Variants in NPAS3 observed in about 807,000 individuals in gnomAD.
The protein encoded by NPAS3 is neuronal PAS domain protein 3, also known as neuronal PAS domain-containing protein 3.
A neutral mutation model predicts 73.1 loss-of-function variants in NPAS3; 14 were observed. The observed-to-expected ratio is 0.19, with a 90% CI of 0.13 to 0.30. The LOEUF is 0.30. NPAS3 is among the 10% of genes least tolerant of loss of function. The probability of loss-of-function intolerance (pLI) is 1.00; values close to 1 mark genes in which losing one functional copy is unlikely to be tolerated. For missense variants in NPAS3, 1,096 were observed against 1,250.0 expected, an observed-to-expected ratio of 0.88 and a Z score of 1.86; for synonymous variants, 620 against 541.5, an observed-to-expected ratio of 1.14 and a Z score of -2.01.
At chr14:33,793,718 A>C (rs1595627457) in intron 9 of NPAS3, among the ~76,000 whole-genome samples, 179 bp from the exon 10 acceptor site, 1 of 152,232 alleles carries the variant, frequency 6.6e-6, no homozygotes. Context: ...CTGCCGCTCC[A>C]CTGAATTGAT....
chr14:33,284,764 ATATCTATC>A (rs71118536), intron 3 of NPAS3, among the ~76,000 whole-genome samples: 66,309 of 148,454 alleles, frequency 0.45, 15,310 homozygotes, highest in Non-Finnish European at 0.49. Context: ...ATCTATATCT[ATATCTATC>A]TATCTATCTA....
chr14:33,332,525 C>G (rs1037509505), intron 3 of NPAS3, among the ~76,000 whole-genome samples: 1 of 152,124 alleles, frequency 6.6e-6, no homozygotes, highest in African/African-American at 2.4e-5. Flanking sequence ...CACAACTGAT[C>G]ATTTGGGGCC....
intron 2 of NPAS3, among the ~76,000 whole-genome samples, chr14:33,177,584 T>A (rs1252739598): frequency 1.3e-5 from 2 of 152,230 alleles, no homozygotes; most frequent in Non-Finnish European, 2.9e-5. Context: ...TATCCAAGAA[T>A]CCACTGCCAA....
chr14:33,268,600 C>G (rs141140943), intron 3 of NPAS3, among the ~76,000 whole-genome samples: 18 of 152,264 alleles, frequency 1.2e-4, no homozygotes, highest in Admixed American at 3.3e-4. Flanking sequence ...CTTCATGTCA[C>G]TCCATGAGGA....
intron 2 of NPAS3, among the ~76,000 whole-genome samples, chr14:33,207,395 T>A (rs2046870724): frequency 6.6e-6 from 1 of 152,130 alleles, no homozygotes; most frequent in Admixed American, 6.6e-5. Context: ...AGTGAAGTGT[T>A]CACCCATCTC....
Position 33,080,357 on chromosome 14 carries a change from C to T in NPAS3, c.140+24363C>T, listed in dbSNP as rs187421454. On this transcript the variant is annotated intron_variant, in intron 2 of 11. Coordinates refer to ENST00000356141, the Ensembl canonical transcript of NPAS3. The stretch of plus-strand genomic sequence containing the variant: ...TCCTGACCTCGTGATCCGCCTACCT[C>T]GGCCTCCCAAAGTGCTGGGATTACA... Among the ~76,000 whole-genome samples, 410 of 152,158 alleles carry T rather than the reference C, an allele frequency of 2.7e-3. 1 individual carries two copies. The highest frequency in any genetic ancestry group is 9.5e-3 in the African/African-American group (393 of 41,522).
At chr14:33,601,865 A>G (rs963680201) in intron 5 of NPAS3, among the ~76,000 whole-genome samples, 1 of 152,216 alleles carries the variant, frequency 6.6e-6, no homozygotes, top group African/African-American at 2.4e-5. Flanking sequence ...AACCAAGAGT[A>G]ATAGGGTTTG....
rs530670522 is a variant in NPAS3, at chr14:33,654,585, G to T, written c.559-21626G>T. 2.4e-3 allele frequency among the ~76,000 whole-genome samples: 369 copies of T among 152,144 alleles called. 2 individuals are homozygous for T. Among genetic ancestry groups the T allele is most frequent in the African/African-American group, 8.7e-3 (361 of 41,498 alleles). ...AAGACGCATTCCAAATAATAAAAGG[G>T]CATTTAACCTCTTTAGACATTACCT... On this transcript the variant is annotated intron_variant, in intron 5 of 11. Coordinates refer to ENST00000356141, the Ensembl canonical transcript of NPAS3.
intron 5 of NPAS3, among the ~76,000 whole-genome samples, chr14:33,666,156 G>C (rs937363433): frequency 6.6e-6 from 1 of 152,152 alleles, no homozygotes; most frequent in African/African-American, 2.4e-5. Flanking sequence ...TATCTCTTTA[G>C]GGCCTAAATC....
At chr14:33,576,946 C>A (rs1033943928) in intron 5 of NPAS3, among the ~76,000 whole-genome samples, 2 of 152,080 alleles carry the variant, frequency 1.3e-5, no homozygotes, top group African/African-American at 4.8e-5. Flanking sequence ...GAATGAATGG[C>A]CAAATGGGTT....
intron 4 of NPAS3, among the ~76,000 whole-genome samples, chr14:33,541,941 C>G (rs2054539542): frequency 6.6e-6 from 1 of 152,048 alleles, no homozygotes; most frequent in Non-Finnish European, 1.5e-5. Context: ...TTCTTTATAA[C>G]AGCATTATAG....
intron 7 of NPAS3, among the ~76,000 whole-genome samples, chr14:33,773,128 G>C (rs2062705771): frequency 1.3e-5 from 2 of 152,166 alleles, no homozygotes; most frequent in Non-Finnish European, 2.9e-5. Context: ...TGGAGCCCCT[G>C]GGAAGGAGAG....
intron 7 of NPAS3, among the ~76,000 whole-genome samples, chr14:33,757,298 C>T (rs1235767352): frequency 2.0e-5 from 3 of 152,228 alleles, no homozygotes; most frequent in South Asian, 2.1e-4. Context: ...ATTTTCAAGG[C>T]GTTTTTAAAT....
At chr14:33,070,411 G>T (rs528705583) in intron 2 of NPAS3, among the ~76,000 whole-genome samples, 166 of 152,228 alleles carry the variant, frequency 1.1e-3, no homozygotes, top group Middle Eastern at 6.8e-3. Context: ...GTCAGAGGTA[G>T]TTTGAAGAGC....
chr14:33,178,636 A>G (rs1170185297), intron 2 of NPAS3, among the ~76,000 whole-genome samples: 1 of 152,302 alleles, frequency 6.6e-6, no homozygotes, highest in East Asian at 1.9e-4. Flanking sequence ...TTCCCAGTCT[A>G]GAGAAATGCA....
At position 33,573,118 on chromosome 14, in the gene NPAS3, A is replaced by G. The variant is rs139939275; in HGVS notation, c.558+12908A>G. 9.4e-3 allele frequency among the ~76,000 whole-genome samples: 1,431 copies of G among 152,200 alleles called. 29 individuals carry two copies. The highest frequency in any genetic ancestry group is 0.033 in the African/African-American group (1,357 of 41,510). ...TAAAGTTATATAGATATACCTGAAA[A>G]TTCTGATACTCAACATTTTTAGAAA... On this transcript the variant is annotated intron_variant, in intron 5 of 11. Coordinates refer to ENST00000356141, the Ensembl canonical transcript of NPAS3.
At chr14:33,423,105 C>T (rs551868720) in intron 4 of NPAS3, among the ~76,000 whole-genome samples, 23 of 152,066 alleles carry the variant, frequency 1.5e-4, no homozygotes, top group South Asian at 4.1e-4. Flanking sequence ...GAGCAGAATC[C>T]GCTGGACATT....
intron 1 of NPAS3, among the ~76,000 whole-genome samples, chr14:33,028,978 TC>T (rs1048636922): frequency 1.3e-5 from 2 of 151,846 alleles, no homozygotes; most frequent in South Asian, 2.1e-4. Flanking sequence ...ATGCTCTCCT[TC>T]CCCCCCGCCC....
intron 6 of NPAS3, among the ~76,000 whole-genome samples, chr14:33,724,710 A>G (rs897719500): frequency 2.0e-5 from 3 of 151,934 alleles, no homozygotes; most frequent in Non-Finnish European, 4.4e-5. Flanking sequence ...CCCCGTAAAT[A>G]TCGTATCTGT....
Sources: gnomAD v4.1 joint callset for allele counts (sites outside exome capture counted in the v4.1 genomes callset) on GRCh38, gnomAD v4.1.1 for gene constraint, MANE v1.5 for transcripts, NCBI Gene and HGNC (gene_info 2026-07-23, HGNC 2026-07-21) for gene names.